Variants in NPAS3 observed in about 807,000 individuals in gnomAD.
NPAS3 encodes the protein neuronal PAS domain-containing protein 3.
Under a neutral mutation model 73.1 loss-of-function variants are expected in NPAS3, and 14 were observed. The ratio of observed to expected loss-of-function variants is 0.19; its 90% CI spans 0.13 to 0.30. The LOEUF (loss-of-function observed/expected upper bound fraction) is 0.30. Among genes scored for constraint, NPAS3 ranks in the 10% least tolerant of loss-of-function variants. The pLI, the probability that NPAS3 is intolerant of heterozygous loss-of-function variation, is 1.00. For synonymous variants in NPAS3, 620 were observed against 541.5 expected, an observed-to-expected ratio of 1.14 and a Z score of -2.01; for missense variants, 1,096 against 1,250.0, an observed-to-expected ratio of 0.88 and a Z score of 1.86.
chr14:33,279,011 G>A (rs929143882), intron 3 of NPAS3, among the ~76,000 whole-genome samples: 7 of 152,096 alleles, frequency 4.6e-5, no homozygotes, highest in African/African-American at 1.7e-4. Context: ...AAGTTAAAAA[G>A]CTTATTCCTA....
At chr14:33,258,057 A>G (rs186719806) in intron 3 of NPAS3, among the ~76,000 whole-genome samples, 1 of 152,344 alleles carries the variant, frequency 6.6e-6, no homozygotes, top group Admixed American at 6.5e-5. Context: ...AATTGAGAAC[A>G]ATAAACTTAA....
At chr14:33,662,406 G>C (rs1217547613) in intron 5 of NPAS3, among the ~76,000 whole-genome samples, 2 of 152,236 alleles carry the variant, frequency 1.3e-5, no homozygotes, top group African/African-American at 4.8e-5. Context: ...GTTCTCTTGG[G>C]AGAAGGAAGA....
chr14:33,370,471 A>G (rs2046038540), intron 4 of NPAS3, among the ~76,000 whole-genome samples: 1 of 152,132 alleles, frequency 6.6e-6, no homozygotes, highest in Admixed American at 6.6e-5. Context: ...GCAGTGGGAC[A>G]TATAAGAGAT....
At chr14:33,267,033 A>G (rs966790856) in intron 3 of NPAS3, among the ~76,000 whole-genome samples, 13 of 152,176 alleles carry the variant, frequency 8.5e-5, no homozygotes, top group Non-Finnish European at 1.6e-4. Flanking sequence ...GACATTTGTT[A>G]TTATGGCTTT....
intron 4 of NPAS3, among the ~76,000 whole-genome samples, chr14:33,555,395 A>G (rs939399683): frequency 6.6e-6 from 1 of 152,138 alleles, no homozygotes; most frequent in Non-Finnish European, 1.5e-5. Flanking sequence ...GATGTAATTA[A>G]CCCTTTGACC....
chr14:33,376,893 A>AT (rs1378474181), intron 4 of NPAS3, among the ~76,000 whole-genome samples: 5 of 152,206 alleles, frequency 3.3e-5, no homozygotes, highest in African/African-American at 1.2e-4. Context: ...AGAACTTGAC[A>AT]TGTAGAACAC....
intron 1 of NPAS3, among the ~76,000 whole-genome samples, chr14:33,024,126 A>ATGTGTG (rs756407576): frequency 1.4e-5 from 2 of 144,368 alleles, no homozygotes; most frequent in African/African-American, 5.5e-5. Flanking sequence ...GTGTATATAT[A>ATGTGTG]TGTGTGTGTG....
intron 5 of NPAS3, among the ~76,000 whole-genome samples, chr14:33,647,755 A>G (rs1413191721): frequency 6.6e-6 from 1 of 151,930 alleles, no homozygotes; most frequent in African/African-American, 2.4e-5. Flanking sequence ...CCACCATTCC[A>G]TCCCAGGTCA....
At chr14:33,118,094 G>A (rs2043123837) in intron 2 of NPAS3, among the ~76,000 whole-genome samples, 1 of 151,824 alleles carries the variant, frequency 6.6e-6, no homozygotes, top group South Asian at 2.1e-4. Context: ...TTCTTGTAAG[G>A]AATTATGTTG....
chr14:33,297,490 C>G (rs561999089), intron 3 of NPAS3, among the ~76,000 whole-genome samples: 10 of 152,224 alleles, frequency 6.6e-5, no homozygotes, highest in Non-Finnish European at 1.0e-4. Flanking sequence ...CTCCCTGTTA[C>G]TCTCATTTAT....
At chr14:33,732,852 G>T (rs1478915403) in intron 6 of NPAS3, among the ~76,000 whole-genome samples, 1 of 148,752 alleles carries the variant, frequency 6.7e-6, no homozygotes, top group East Asian at 1.9e-4. Flanking sequence ...GCCGTGATTG[G>T]CTCCACAGCT....
intron 4 of NPAS3, among the ~76,000 whole-genome samples, chr14:33,388,993 G>T (rs1235290133): frequency 6.6e-6 from 1 of 152,072 alleles, no homozygotes; most frequent in Non-Finnish European, 1.5e-5. Flanking sequence ...TCTCACCTTT[G>T]TGGCGTGCAC....
At chr14:33,042,373 A>C (rs1363110265) in intron 1 of NPAS3, among the ~76,000 whole-genome samples, 5 of 152,182 alleles carry the variant, frequency 3.3e-5, no homozygotes, top group Admixed American at 2.0e-4. Context: ...GGATGTATAG[A>C]TATGTTTCAT....
At chr14:33,197,744 C>T (rs994624202) in intron 2 of NPAS3, among the ~76,000 whole-genome samples, 3 of 152,184 alleles carry the variant, frequency 2.0e-5, no homozygotes, top group African/African-American at 4.8e-5. Flanking sequence ...TTTAACATTT[C>T]ACCTTAAGTG....
chr14:33,285,650 C>T (rs2041844946), intron 3 of NPAS3, among the ~76,000 whole-genome samples: 1 of 152,168 alleles, frequency 6.6e-6, no homozygotes, highest in South Asian at 2.1e-4. Flanking sequence ...GATTCTGCCT[C>T]CTTCTGCAAC....
chr14:33,576,104 G>T (rs1382898148), intron 5 of NPAS3, among the ~76,000 whole-genome samples: 1 of 152,096 alleles, frequency 6.6e-6, no homozygotes, highest in Non-Finnish European at 1.5e-5. Context: ...GCAAAAGTGG[G>T]CCTCTTAAAT....
intron 2 of NPAS3, among the ~76,000 whole-genome samples, chr14:33,121,083 T>C (rs1237980226): frequency 6.6e-6 from 1 of 152,108 alleles, no homozygotes; most frequent in Non-Finnish European, 1.5e-5. Context: ...ATCTCCCTTT[T>C]TGACCTCTTA....
intron 4 of NPAS3, among the ~76,000 whole-genome samples, chr14:33,476,024 G>A (rs1270873511): frequency 6.6e-6 from 1 of 152,184 alleles, no homozygotes; most frequent in Non-Finnish European, 1.5e-5. Context: ...TTTCCCTGGT[G>A]AAGAATAAGA....
intron 6 of NPAS3, among the ~76,000 whole-genome samples, chr14:33,731,401 A>G (rs1218324614): frequency 2.0e-5 from 3 of 147,692 alleles, no homozygotes; most frequent in South Asian, 2.2e-4. Context: ...CCTGAGTGAC[A>G]GAGGAAGACC....
Sources: gnomAD v4.1 joint callset for allele counts (sites outside exome capture counted in the v4.1 genomes callset) on GRCh38, gnomAD v4.1.1 for gene constraint, MANE v1.5 for transcripts, NCBI Gene and HGNC (gene_info 2026-07-23, HGNC 2026-07-21) for gene names.